Variants in NUP160 observed in about 807,000 individuals in gnomAD.
NUP160 encodes the protein nuclear pore complex protein Nup160.
Under a neutral mutation model 196.9 loss-of-function variants are expected in NUP160, and 94 were observed. The observed-to-expected ratio is 0.48, with a 90% confidence interval of 0.40 to 0.57. The LOEUF (loss-of-function observed/expected upper bound fraction) is 0.57, where lower values mean the gene tolerates loss of function less well. Ranked by LOEUF, NUP160 falls within the 20% of genes least tolerant of loss-of-function variation. The pLI is 0.00. For missense variants in NUP160, 1,638 were observed against 1,748.3 expected, an observed-to-expected ratio of 0.94 and a Z score of 1.13; for synonymous variants, 605 against 619.7, an observed-to-expected ratio of 0.98 and a Z score of 0.35.
chr11:47,780,543 T>A, intron 34 of NUP160, 96 bp from the exon 35 acceptor site: 3 of 189,352 alleles, frequency 1.6e-5, no homozygotes, highest in Non-Finnish European at 2.9e-5. Context: ...AAATACCCTT[T>A]TTTTTTTTTT....
intron 34 of NUP160, among the ~76,000 whole-genome samples, chr11:47,782,294 AAAAAAAAAAATAT>A (rs2097661371): frequency 4.9e-5 from 2 of 40,614 alleles, no homozygotes; most frequent in Non-Finnish European, 9.6e-5. Flanking sequence ...TCAGTTAAAA[AAAAAAAAAAATAT>A]ATATATATAT....
chr11:47,812,823 T>C, intron 15 of NUP160, 59 bp downstream of exon 15: 2 of 1,454,128 alleles, frequency 1.4e-6, no homozygotes, highest in South Asian at 2.5e-5. Flanking sequence ...AATTCCAACT[T>C]TGGCGCTAAA....
chr11:47,815,394 G>C, intron 13 of NUP160, 85 bp downstream of exon 13: 1 of 1,076,124 alleles, frequency 9.3e-7, no homozygotes, highest in Non-Finnish European at 1.3e-6. Context: ...AAGAGCCACT[G>C]AACTTTTTGT....
chr11:47,825,895 T>G (rs1472882149), intron 7 of NUP160, among the ~76,000 whole-genome samples: 1 of 152,168 alleles, frequency 6.6e-6, no homozygotes, highest in African/African-American at 2.4e-5. Context: ...AAATTAACTG[T>G]TTTTATAAAG....
At chr11:47,835,099 A>G (rs1368621384) in intron 7 of NUP160, among the ~76,000 whole-genome samples, 1 of 152,142 alleles carries the variant, frequency 6.6e-6, no homozygotes, top group Non-Finnish European at 1.5e-5. Flanking sequence ...GACAGACCCT[A>G]CCTCACTGGG....
intron 7 of NUP160, among the ~76,000 whole-genome samples, chr11:47,833,411 C>A (rs777554603): frequency 1.3e-5 from 2 of 150,998 alleles, no homozygotes; most frequent in African/African-American, 4.9e-5. Flanking sequence ...GTTGAGGTCA[C>A]GCTACTGCAC....
intron 2 of NUP160, among the ~76,000 whole-genome samples, chr11:47,843,033 T>C (rs901125167): frequency 3.9e-5 from 6 of 152,104 alleles, no homozygotes; most frequent in Non-Finnish European, 8.8e-5. Flanking sequence ...CCAATTATCC[T>C]AACACTCTAC....
At chr11:47,821,906 G>T in intron 8 of NUP160, 85 bp from the exon 9 acceptor site, 1 of 1,148,460 alleles carries the variant, frequency 8.7e-7, no homozygotes, top group Non-Finnish European at 1.3e-6. Flanking sequence ...CAGTAGGAGA[G>T]GTAAATGTAT....
chr11:47,841,533 T>C (rs1852297418), intron 2 of NUP160: 2 of 426,698 alleles, frequency 4.7e-6, no homozygotes, highest in Non-Finnish European at 4.7e-6. Context: ...TGGTCCAACA[T>C]GTGAGCTGAA....
At chr11:47,834,476 T>C (rs1478391322) in intron 7 of NUP160, among the ~76,000 whole-genome samples, 1 of 152,164 alleles carries the variant, frequency 6.6e-6, no homozygotes, top group African/African-American at 2.4e-5. Flanking sequence ...AATGTCTTGA[T>C]AGCATGATAC....
intron 17 of NUP160, among the ~76,000 whole-genome samples, chr11:47,809,035 A>G (rs1438315159): frequency 2.0e-5 from 3 of 151,980 alleles, no homozygotes; most frequent in Non-Finnish European, 4.4e-5. Context: ...CAGGAGGCGG[A>G]TGTTGCAGTG....
intron 7 of NUP160, among the ~76,000 whole-genome samples, chr11:47,833,340 A>G (rs1852110780): frequency 1.3e-5 from 2 of 152,070 alleles, no homozygotes; most frequent in African/African-American, 4.8e-5. Context: ...CTGTAATCCC[A>G]GCCACTGTGG....
intron 23 of NUP160, among the ~76,000 whole-genome samples, chr11:47,799,642 C>A (rs2097672995): frequency 1.3e-5 from 2 of 151,860 alleles, no homozygotes; most frequent in African/African-American, 4.8e-5. Context: ...ACCTCCTGGG[C>A]TCAAGTGAAC....
intron 34 of NUP160, among the ~76,000 whole-genome samples, chr11:47,782,785 A>G (rs1246603227): frequency 6.6e-6 from 1 of 151,882 alleles, no homozygotes; most frequent in Non-Finnish European, 1.5e-5. Flanking sequence ...CAGCCTCCTG[A>G]GTAGCTGGGA....
intron 27 of NUP160, chr11:47,796,173 A>T (rs1565190777): frequency 6.4e-5 from 18 of 280,714 alleles, no homozygotes; most frequent in Non-Finnish European, 8.0e-5. Flanking sequence ...AAAAAAAAAA[A>T]GGAGCAGCTG....
rs532825870 is a variant in NUP160 at position 47,824,780 on chromosome 11, C to G, written c.1102-2616G>C. Among the ~76,000 whole-genome samples the G allele has an allele frequency of 5.9e-5, 9 of 151,890 alleles. No individual in the cohort carries two copies. The South Asian group carries it at 1.7e-3, about 28-fold the overall frequency. On this transcript the variant is annotated intron_variant, in intron 7 of 35. Transcript: ENST00000378460. ...TCAGCCTCCCTAATAGCTAGTAATG[C>G]AGGCATGTTCTACCCGACCCAGCTT...
chr11:47,780,577 G>A (rs2097660143), intron 34 of NUP160, 130 bp from the exon 35 acceptor site: 2 of 501,304 alleles, frequency 4.0e-6, no homozygotes, highest in South Asian at 4.1e-5. Context: ...TTGTTCTGTC[G>A]CCCAGGCTGA....
chr11:47,817,853 G>A (rs541251552), intron 11 of NUP160, among the ~76,000 whole-genome samples: 5 of 152,130 alleles, frequency 3.3e-5, no homozygotes, highest in Admixed American at 3.3e-4. Context: ...CTGGGAAAGT[G>A]GTCCCCCCTC....
intron 17 of NUP160, among the ~76,000 whole-genome samples, chr11:47,810,349 C>T (rs2097680379): frequency 6.6e-6 from 1 of 151,966 alleles, no homozygotes; most frequent in African/African-American, 2.4e-5. Context: ...AGGCTTGCTG[C>T]ACCATGCCCG....
Sources: gnomAD v4.1 joint callset for allele counts (sites outside exome capture counted in the v4.1 genomes callset) on GRCh38, gnomAD v4.1.1 for gene constraint, MANE v1.5 for transcripts, NCBI Gene and HGNC (gene_info 2026-07-23, HGNC 2026-07-21) for gene names.